Variants in ACTR3C observed in about 807,000 individuals in gnomAD.
ACTR3C encodes the protein actin-related protein 3C.
In ACTR3C, 18 loss-of-function variants were observed where a neutral mutation model predicts 26.3. The ratio of observed to expected loss-of-function variants is 0.68; its 90% CI spans 0.47 to 1.01. ACTR3C has a LOEUF of 1.01. Ranked by LOEUF, ACTR3C falls within the 50% of genes least tolerant of loss-of-function variation. The pLI is 0.00. For synonymous variants in ACTR3C, 55 were observed against 94.5 expected (o/e 0.58, Z 2.42); for missense variants, 184 against 250.7 (o/e 0.73, Z 1.80).
chr7:150,240,755 A>C (rs1245283683), downstream of ACTR3C, among the ~76,000 whole-genome samples: 2 of 152,186 alleles, frequency 1.3e-5, no homozygotes, highest in African/African-American at 4.8e-5. Flanking sequence ...AAAAGACAAA[A>C]AGATATAAAC....
At chr7:150,305,388 C>G (rs1795733283) in intron 1 of ACTR3C, among the ~76,000 whole-genome samples, 1 of 152,250 alleles carries the variant, frequency 6.6e-6, no homozygotes, top group East Asian at 1.9e-4. Flanking sequence ...CTTCAAGACT[C>G]TGTGTGCCAT....
intron 1 of ACTR3C, among the ~76,000 whole-genome samples, chr7:150,310,399 T>C (rs1471156798): frequency 6.6e-6 from 1 of 152,174 alleles, no homozygotes; most frequent in Non-Finnish European, 1.5e-5. Flanking sequence ...TGTTACAGCA[T>C]GGCCTTTTAA....
chr7:149,981,334 G>C, the ACTR3C span, among the ~76,000 whole-genome samples: 1 of 151,920 alleles, frequency 6.6e-6, no homozygotes, highest in Admixed American at 6.6e-5. Flanking sequence ...AATCTGCACT[G>C]GGCTTTTTGC....
chr7:150,172,801 G>A, the ACTR3C span, among the ~76,000 whole-genome samples: 1 of 150,794 alleles, frequency 6.6e-6, no homozygotes, highest in East Asian at 1.9e-4. Context: ...TTCCAAATGG[G>A]AGAAATTGGC....
the ACTR3C span, among the ~76,000 whole-genome samples, chr7:150,114,383 C>G: frequency 3.3e-5 from 5 of 151,622 alleles, no homozygotes; most frequent in African/African-American, 9.7e-5. Context: ...AAGCAAATAC[C>G]TCGCTGGATC....
At chr7:149,912,703 A>C in the ACTR3C span, among the ~76,000 whole-genome samples, 1 of 152,052 alleles carries the variant, frequency 6.6e-6, no homozygotes, top group Non-Finnish European at 1.5e-5. Flanking sequence ...GGGTTTCACC[A>C]TGTTGGCCAG....
chr7:149,964,187 T>C, the ACTR3C span, among the ~76,000 whole-genome samples: 1 of 152,248 alleles, frequency 6.6e-6, no homozygotes, highest in Non-Finnish European at 1.5e-5. Flanking sequence ...GTGTGGCATC[T>C]CCTGGTGGCC....
the ACTR3C span, among the ~76,000 whole-genome samples, chr7:149,887,867 G>A: frequency 6.6e-6 from 1 of 152,148 alleles, no homozygotes; most frequent in African/African-American, 2.4e-5. Context: ...AGATCTGTTG[G>A]ATTTATCAGG....
the ACTR3C span, among the ~76,000 whole-genome samples, chr7:150,169,340 G>A: frequency 1.4e-5 from 2 of 141,052 alleles, no homozygotes; most frequent in Non-Finnish European, 3.0e-5. Flanking sequence ...CCAAGATCTC[G>A]CCACCGTGCT....
chr7:149,924,887 C>T, the ACTR3C span, among the ~76,000 whole-genome samples: 13 of 152,180 alleles, frequency 8.5e-5, no homozygotes, highest in Non-Finnish European at 1.6e-4. Context: ...TTCGGCCTCC[C>T]AAAGTGCTTG....
chr7:150,172,155 T>G, the ACTR3C span, among the ~76,000 whole-genome samples: 2 of 150,674 alleles, frequency 1.3e-5, no homozygotes, highest in African/African-American at 5.0e-5. Context: ...TTAAGAAAAT[T>G]TTAAGGGCAC....
chr7:150,141,406 C>T, the ACTR3C span, among the ~76,000 whole-genome samples: 14 of 152,178 alleles, frequency 9.2e-5, no homozygotes, highest in African/African-American at 1.7e-4. Flanking sequence ...CGCCAGGACA[C>T]CTGGGGTTCA....
the ACTR3C span, among the ~76,000 whole-genome samples, chr7:149,884,516 G>C: frequency 6.6e-6 from 1 of 152,084 alleles, no homozygotes; most frequent in East Asian, 1.9e-4. Context: ...TTTGTTATTA[G>C]CTCAATTTAG....
the ACTR3C span, among the ~76,000 whole-genome samples, chr7:150,153,157 C>T: frequency 6.6e-6 from 1 of 152,130 alleles, no homozygotes; most frequent in Non-Finnish European, 1.5e-5. Flanking sequence ...AGGACATAGG[C>T]ATGGGCGAGG....
the ACTR3C span, among the ~76,000 whole-genome samples, chr7:149,897,972 G>A: frequency 6.6e-6 from 1 of 152,130 alleles, no homozygotes; most frequent in African/African-American, 2.4e-5. Flanking sequence ...AAGACACAGG[G>A]CAGAAATCAC....
At chr7:150,298,656 T>G (rs1046475697) in intron 1 of ACTR3C, among the ~76,000 whole-genome samples, 4 of 146,266 alleles carry the variant, frequency 2.7e-5, no homozygotes, top group Admixed American at 6.8e-5. Flanking sequence ...ATTACTAAAA[T>G]TATCAGCAAA....
the ACTR3C span, among the ~76,000 whole-genome samples, chr7:149,986,518 G>A: frequency 1.1e-4 from 17 of 152,112 alleles, no homozygotes; most frequent in African/African-American, 3.6e-4. Context: ...TTTCTGTTTC[G>A]TGTAACACAA....
chr7:149,888,354 G>T, the ACTR3C span, among the ~76,000 whole-genome samples: 1 of 152,198 alleles, frequency 6.6e-6, no homozygotes, highest in East Asian at 1.9e-4. Flanking sequence ...ACAAGAGATT[G>T]CCAAATTTCT....
At chr7:149,909,860 GA>G in the ACTR3C span, among the ~76,000 whole-genome samples, 199 of 149,086 alleles carry the variant, frequency 1.3e-3, 1 homozygote, top group South Asian at 2.5e-3. Flanking sequence ...TGATCACTGA[GA>G]ATCAAACACT....
Sources: allele counts gnomAD v4.1 joint callset (sites outside exome capture counted in the v4.1 genomes callset), GRCh38; gene constraint gnomAD v4.1.1; transcripts MANE v1.5; gene names NCBI Gene and HGNC (gene_info 2026-07-23, HGNC 2026-07-21).